Variants in SLC24A3 observed in about 807,000 individuals in gnomAD.
SLC24A3 encodes the protein solute carrier family 24 member 3, also known as sodium/potassium/calcium exchanger 3.
In SLC24A3, 28 loss-of-function variants were observed where a neutral mutation model predicts 75.8. That is an observed-to-expected ratio of 0.37 (90% CI 0.27 to 0.51). The LOEUF (loss-of-function observed/expected upper bound fraction) is 0.51, where lower values mean the gene tolerates loss of function less well. Ranked by LOEUF, SLC24A3 falls within the 20% of genes least tolerant of loss-of-function variation. The pLI is 0.94. For synonymous variants in SLC24A3, 372 were observed against 334.1 expected (o/e 1.11, Z -1.24); for missense variants, 663 against 847.8 (o/e 0.78, Z 2.71).
intron 2 of SLC24A3, among the ~76,000 whole-genome samples, chr20:19,373,859 C>T (rs987636015): frequency 2.0e-5 from 3 of 152,070 alleles, no homozygotes; most frequent in African/African-American, 2.4e-5. Context: ...CTGAGATCAG[C>T]GGTGGGAGCA....
intron 2 of SLC24A3, among the ~76,000 whole-genome samples, chr20:19,305,814 C>T (rs895101849): frequency 3.9e-5 from 6 of 152,188 alleles, no homozygotes; most frequent in East Asian, 1.9e-4. Flanking sequence ...TGAACATTGA[C>T]GTTGGCAAAG....
chr20:19,628,684 A>G (rs1354487703), intron 6 of SLC24A3, among the ~76,000 whole-genome samples: 1 of 152,098 alleles, frequency 6.6e-6, no homozygotes, highest in Non-Finnish European at 1.5e-5. Context: ...AACCAAGGCA[A>G]CAGTTCTGCT....
At chr20:19,538,694 C>A (rs2030444283) in intron 3 of SLC24A3, among the ~76,000 whole-genome samples, 1 of 152,186 alleles carries the variant, frequency 6.6e-6, no homozygotes, top group South Asian at 2.1e-4. Flanking sequence ...GATGCACTCA[C>A]TCTGTAAAAC....
intron 13 of SLC24A3, chr20:19,695,724 A>G (rs1035563028): frequency 6.6e-6 from 1 of 152,170 alleles, no homozygotes; most frequent in Non-Finnish European, 1.5e-5. Context: ...TTCAGTCTCC[A>G]GGGAGGAAAT....
chr20:19,366,014 T>C (rs899612655), intron 2 of SLC24A3, among the ~76,000 whole-genome samples: 4 of 152,206 alleles, frequency 2.6e-5, no homozygotes, highest in African/African-American at 9.7e-5. Context: ...CCCTTCCAGG[T>C]TTGGCAGGGG....
chr20:19,434,679 T>C (rs1044827915), intron 2 of SLC24A3, among the ~76,000 whole-genome samples: 1 of 152,228 alleles, frequency 6.6e-6, no homozygotes, highest in African/African-American at 2.4e-5. Flanking sequence ...TGGATGGTTA[T>C]TTGTTCTTGG....
intron 1 of SLC24A3, among the ~76,000 whole-genome samples, chr20:19,279,379 AC>A (rs781723096): frequency 1.3e-5 from 2 of 152,190 alleles, no homozygotes; most frequent in South Asian, 2.1e-4. Flanking sequence ...GGGAAGAGCC[AC>A]TTTTGCAGCT....
At chr20:19,511,617 G>A (rs903612098) in intron 2 of SLC24A3, among the ~76,000 whole-genome samples, 14 of 152,128 alleles carry the variant, frequency 9.2e-5, no homozygotes, top group East Asian at 1.9e-4. Context: ...GTGAGCCACC[G>A]CGCCCGGCCT....
chr20:19,689,593 A>G (rs993894538), intron 12 of SLC24A3, among the ~76,000 whole-genome samples: 1 of 152,244 alleles, frequency 6.6e-6, no homozygotes, highest in East Asian at 1.9e-4. Context: ...GATATTTATT[A>G]AATGAATGAA....
Position 19,634,947 on chromosome 20 carries a change from T to C in SLC24A3, c.613-19115T>C, listed in dbSNP as rs142722543. ...TCCAACCAAGATAGAAGAAATTTAATTATCTTCACAGTGCGTATGTTTAGG... is the reference window on the plus strand; with the variant it reads ...TCCAACCAAGATAGAAGAAATTTAACTATCTTCACAGTGCGTATGTTTAGG... On this transcript the variant is annotated intron_variant, in intron 6 of 16. Coordinates refer to ENST00000328041, the MANE Select transcript of SLC24A3 (RefSeq NM_020689.4). 2.0e-3 allele frequency among the ~76,000 whole-genome samples: 299 copies of C among 152,374 alleles called. 4 individuals carry two copies. Among genetic ancestry groups the C allele is most frequent in the African/African-American group, 6.8e-3 (284 of 41,598 alleles).
chr20:19,631,488 T>C (rs2031932710), intron 6 of SLC24A3, among the ~76,000 whole-genome samples: 1 of 152,226 alleles, frequency 6.6e-6, no homozygotes, highest in Non-Finnish European at 1.5e-5. Flanking sequence ...TATCATGAGA[T>C]TACATTCCAA....
chr20:19,715,186 A>T (rs1020174413), intron 15 of SLC24A3, among the ~76,000 whole-genome samples: 2 of 152,218 alleles, frequency 1.3e-5, no homozygotes, highest in African/African-American at 4.8e-5. Context: ...ACCAGAACAC[A>T]GGGGATTATC....
intron 2 of SLC24A3, among the ~76,000 whole-genome samples, chr20:19,350,832 C>G (rs1335817461): frequency 6.6e-6 from 1 of 152,206 alleles, no homozygotes. Flanking sequence ...GGGTACAGAC[C>G]GTGCTGTTTC....
At chr20:19,593,255 GC>G (rs999186424) in intron 6 of SLC24A3, among the ~76,000 whole-genome samples, 29 of 152,196 alleles carry the variant, frequency 1.9e-4, no homozygotes, top group African/African-American at 6.3e-4. Context: ...GGGGCTCTTA[GC>G]AAGAATCTGC....
intron 1 of SLC24A3, among the ~76,000 whole-genome samples, chr20:19,230,662 G>GGT (rs767011422): frequency 7.3e-5 from 2 of 27,322 alleles, no homozygotes; most frequent in African/African-American, 1.6e-4. Flanking sequence ...ACATATTGAT[G>GGT]GGGGGGGTGC....
chr20:19,323,433 T>G (rs3790181), intron 2 of SLC24A3, among the ~76,000 whole-genome samples: 79,802 of 151,896 alleles, frequency 0.53, 23,119 homozygotes, highest in African/African-American at 0.77. Flanking sequence ...GTTTCAACTA[T>G]AGTGGGTGTT....
At chr20:19,383,822 C>G (rs1354089039) in intron 2 of SLC24A3, among the ~76,000 whole-genome samples, 1 of 152,160 alleles carries the variant, frequency 6.6e-6, no homozygotes, top group Non-Finnish European at 1.5e-5. Flanking sequence ...AGACTGTCTT[C>G]TGTCTCCGCT....
intron 6 of SLC24A3, among the ~76,000 whole-genome samples, chr20:19,599,334 C>T (rs1376382499): frequency 2.0e-5 from 3 of 152,246 alleles, no homozygotes; most frequent in Non-Finnish European, 2.9e-5. Context: ...GACTGTCTTG[C>T]GGTCCCTCCC....
intron 1 of SLC24A3, among the ~76,000 whole-genome samples, chr20:19,279,427 G>A (rs1295103754): frequency 6.6e-6 from 1 of 152,186 alleles, no homozygotes; most frequent in Non-Finnish European, 1.5e-5. Context: ...GCCCCATGAA[G>A]CCAGGCCCCA....
Sources: gnomAD v4.1 joint callset for allele counts (sites outside exome capture counted in the v4.1 genomes callset) on GRCh38, gnomAD v4.1.1 for gene constraint, MANE v1.5 for transcripts, NCBI Gene and HGNC (gene_info 2026-07-23, HGNC 2026-07-21) for gene names.